Variants in PDE8B observed in about 807,000 individuals in gnomAD.
PDE8B encodes the protein phosphodiesterase 8B.
A neutral mutation model predicts 101.3 loss-of-function variants in PDE8B; 26 were observed. The observed-to-expected ratio is 0.26, with a 90% CI of 0.19 to 0.36. The LOEUF (loss-of-function observed/expected upper bound fraction) is 0.36, where lower values mean the gene tolerates loss of function less well. Ranked by LOEUF, PDE8B falls within the 10% of genes least tolerant of loss-of-function variation. PDE8B has a pLI of 1.00. For missense variants in PDE8B, 810 were observed against 1,163.1 expected (o/e 0.70, Z 4.42); for synonymous variants, 424 against 429.3 (o/e 0.99, Z 0.15).
the PDE8B span, among the ~76,000 whole-genome samples, chr5:77,196,080 G>A: frequency 6.6e-6 from 1 of 152,126 alleles, no homozygotes; most frequent in South Asian, 2.1e-4. Context: ...TTGTACAAAT[G>A]TCTATTCAAG....
At chr5:77,355,063 C>T (rs66970842) in intron 10 of PDE8B, among the ~76,000 whole-genome samples, 7,249 of 152,272 alleles carry the variant, frequency 0.048, 239 homozygotes, top group African/African-American at 0.096. Flanking sequence ...TGGTGGCTAG[C>T]GTTAATGAAA....
At chr5:77,363,322 G>A (rs531181238) in intron 10 of PDE8B, among the ~76,000 whole-genome samples, 13 of 152,262 alleles carry the variant, frequency 8.5e-5, no homozygotes, top group Admixed American at 3.9e-4. Flanking sequence ...GTGTATCTTC[G>A]GAGAATTCAT....
intron 10 of PDE8B, among the ~76,000 whole-genome samples, chr5:77,378,196 C>A (rs551833815): frequency 6.6e-6 from 1 of 152,198 alleles, no homozygotes; most frequent in South Asian, 2.1e-4. Flanking sequence ...CACGGCGGCT[C>A]ATGCCTGTAA....
rs149440849 is a variant in PDE8B, at chr5:77,286,730, A to G, written c.340-25264A>G. On this transcript the variant is annotated intron_variant, in intron 1 of 21. Transcript: ENST00000264917. ...TATTTGCATTTAATGCTGCTATCTT[A>G]CTATTTATATTATACCCACCTATTC... 3.6e-3 allele frequency among the ~76,000 whole-genome samples: 543 copies of G among 152,262 alleles called. 4 individuals carry two copies. The highest frequency in any genetic ancestry group is 0.012 in the African/African-American group (506 of 41,544).
chr5:77,296,839 C>G (rs1233817356), intron 1 of PDE8B, among the ~76,000 whole-genome samples: 1 of 152,058 alleles, frequency 6.6e-6, no homozygotes, highest in African/African-American at 2.4e-5. Context: ...TTTCCTTCTT[C>G]CAGCTCTTAT....
chr5:77,395,121 T>C (rs760048538), intron 10 of PDE8B, among the ~76,000 whole-genome samples: 3 of 152,008 alleles, frequency 2.0e-5, no homozygotes, highest in Non-Finnish European at 2.9e-5. Flanking sequence ...TCCAATTCAT[T>C]CAATTTCTTT....
chr5:77,390,535 A>G (rs1789693452), intron 10 of PDE8B, among the ~76,000 whole-genome samples: 1 of 152,226 alleles, frequency 6.6e-6, no homozygotes, highest in African/African-American at 2.4e-5. Flanking sequence ...TTATGCTTTT[A>G]CAAGAGGAGA....
At chr5:77,143,675 C>T in the PDE8B span, among the ~76,000 whole-genome samples, 3 of 152,190 alleles carry the variant, frequency 2.0e-5, no homozygotes, top group South Asian at 6.2e-4. Context: ...AACTATAAAA[C>T]GATGTTACAT....
chr5:77,128,140 G>A, the PDE8B span, among the ~76,000 whole-genome samples: 1 of 152,046 alleles, frequency 6.6e-6, no homozygotes, highest in East Asian at 1.9e-4. Flanking sequence ...CCTCCATATT[G>A]TCCAAGGACC....
chr5:77,418,227 A>C lies in PDE8B; in HGVS notation c.1912-2A>C. On this transcript the variant is annotated splice_acceptor_variant, in intron 17 of 21. Coordinates refer to ENST00000264917, the MANE Select transcript of PDE8B (RefSeq NM_003719.5). LOFTEE classifies it high-confidence loss of function. ...GCTCAACCTTGCCTCCCCATATCCC[A>C]GGGAAGCCTCGATCAGTTGGATGAG... 6.2e-7 allele frequency: 1 copy of C among 1,603,898 alleles called. No homozygotes were observed. Among genetic ancestry groups the C allele is most frequent in the South Asian group, 1.1e-5 (1 of 90,884 alleles).
chr5:77,150,263 T>C, the PDE8B span, among the ~76,000 whole-genome samples: 8 of 152,172 alleles, frequency 5.3e-5, no homozygotes, highest in Admixed American at 5.2e-4. Flanking sequence ...CCTCAGTCGA[T>C]GGGAACAGGA....
the PDE8B span, among the ~76,000 whole-genome samples, chr5:77,157,541 A>G: frequency 1.3e-5 from 2 of 152,244 alleles, no homozygotes; most frequent in African/African-American, 2.4e-5. Flanking sequence ...GATTCAGGCT[A>G]TAAGTCATGA....
chr5:77,169,025 G>C, the PDE8B span, among the ~76,000 whole-genome samples: 3 of 152,162 alleles, frequency 2.0e-5, no homozygotes, highest in Admixed American at 2.0e-4. Context: ...ACAGAGTCTG[G>C]GGATTCAAAA....
At chr5:77,206,111 G>A (rs1747482994), upstream of PDE8B, among the ~76,000 whole-genome samples, 1 of 152,054 alleles carries the variant, frequency 6.6e-6, no homozygotes, top group Non-Finnish European at 1.5e-5. Flanking sequence ...TCCATTTTGG[G>A]TAATAACAGT....
At chr5:77,103,482 G>T in the PDE8B span, among the ~76,000 whole-genome samples, 16 of 152,308 alleles carry the variant, frequency 1.1e-4, no homozygotes, top group South Asian at 2.1e-4. Flanking sequence ...TAGCACACGG[G>T]AATAGCAGGA....
At chr5:77,222,617 G>A (rs4704397) in intron 1 of PDE8B, among the ~76,000 whole-genome samples, 82,447 of 152,022 alleles carry the variant, frequency 0.54, 25,037 homozygotes, top group East Asian at 0.83. Context: ...TCCACGTTTC[G>A]GGAGCTTCCA....
intron 1 of PDE8B, among the ~76,000 whole-genome samples, chr5:77,308,342 C>T (rs77664472): frequency 1.3e-5 from 2 of 152,092 alleles, no homozygotes; most frequent in Non-Finnish European, 2.9e-5. Flanking sequence ...GCACCCACGC[C>T]GGTAGTGCAG....
chr5:77,173,959 G>A, the PDE8B span, among the ~76,000 whole-genome samples: 2 of 152,134 alleles, frequency 1.3e-5, no homozygotes, highest in Non-Finnish European at 2.9e-5. Context: ...TCCTTGGCCT[G>A]GAAGAAGTTA....
the PDE8B span, among the ~76,000 whole-genome samples, chr5:77,186,985 G>A: frequency 2.8e-3 from 430 of 152,370 alleles, 4 homozygotes; most frequent in Middle Eastern, 0.017. Flanking sequence ...TGTGATCACT[G>A]CTGCTGGTGG....
Sources: gnomAD v4.1 joint callset for allele counts (sites outside exome capture counted in the v4.1 genomes callset) on GRCh38, gnomAD v4.1.1 for gene constraint, MANE v1.5 for transcripts, NCBI Gene and HGNC (gene_info 2026-07-23, HGNC 2026-07-21) for gene names.